The following ACVR1B variants were observed in gnomAD, a reference collection of about 807,000 sequenced individuals.
ACVR1B encodes the protein activin A receptor type 1B.
In ACVR1B, 15 loss-of-function variants were observed where a neutral mutation model predicts 55.6. The observed-to-expected ratio is 0.27, with a 90% confidence interval of 0.18 to 0.42. The LOEUF is 0.42. ACVR1B is among the 10% of genes least tolerant of loss of function. ACVR1B has a pLI of 1.00. For synonymous variants in ACVR1B, 247 were observed against 254.6 expected, an observed-to-expected ratio of 0.97 and a Z score of 0.28; for missense variants, 359 against 670.1, an observed-to-expected ratio of 0.54 and a Z score of 5.13.
At position 51,986,825 on chromosome 12, in the gene ACVR1B, G is replaced by A. The variant is rs762723557; in HGVS notation, c.1144G>A (p.Ala382Thr). 4.3e-6 allele frequency: 7 copies of A among 1,610,468 alleles called. No homozygotes were observed. The highest frequency in any genetic ancestry group is 1.3e-5 in the African/African-American group (1 of 74,730). The stretch of plus-strand genomic sequence containing the variant: ...TTTGTTTTGCTATTGCAGATACATG[G>A]CCCCTGAAGTACTTGATGAAACCAT... ...NQRVGTKRYMAPEVLDETINM... is the reference protein window; with the variant it reads ...NQRVGTKRYMTPEVLDETINM... Residue 382 changes from alanine (A) to threonine (T), a missense_variant, in exon 7 of 9, where the codon GCC becomes ACC. By Grantham distance (58) the Ala-to-Thr change is moderately conservative. Transcript: ENST00000257963.
At chr12:51,992,203 T>A (rs918465829) in intron 8 of ACVR1B, 13 of 627,952 alleles carry the variant, frequency 2.1e-5, no homozygotes, top group Non-Finnish European at 3.0e-5. Context: ...GTTCACAGCC[T>A]AGAAGAAGAA....
At chr12:51,986,025 T>G (rs1269069549) in intron 6 of ACVR1B, among the ~76,000 whole-genome samples, 1 of 152,130 alleles carries the variant, frequency 6.6e-6, no homozygotes, top group Non-Finnish European at 1.5e-5. Context: ...CTCAGAGTCA[T>G]TAAGGGTGCC....
At chr12:51,991,738 C>A in intron 7 of ACVR1B, 125 bp from the exon 8 acceptor site, 1 of 1,064,196 alleles carries the variant, frequency 9.4e-7, no homozygotes. Context: ...TTAGAATTAA[C>A]TAACTTTCTA....
intron 1 of ACVR1B, among the ~76,000 whole-genome samples, chr12:51,969,973 A>G (rs529264218): frequency 6.6e-6 from 1 of 152,336 alleles, no homozygotes; most frequent in African/African-American, 2.4e-5. Context: ...AGAGTCACCA[A>G]TATGAAGTAA....
At chr12:51,989,113 G>A (rs1293416730) in intron 7 of ACVR1B, among the ~76,000 whole-genome samples, 1 of 152,016 alleles carries the variant, frequency 6.6e-6, no homozygotes, top group Non-Finnish European at 1.5e-5. Context: ...AAAATTAGCC[G>A]GGTGTAGTGG....
Position 51,975,138 on chromosome 12 carries a change from TGGCCCCA to T in ACVR1B, c.92-126_92-120del. The T allele has an allele frequency of 3.8e-6, 5 of 1,315,338 alleles. No individual in the cohort carries two copies. The Admixed American group carries it at 7.4e-5, about 19-fold the overall frequency. The allele number at this position is 1,315,338 out of a possible 1,614,324, so 81.5% of individuals were successfully genotyped here. A position where few individuals can be genotyped will look rare whatever the true frequency, so the allele number is the denominator to read the frequency against. On this transcript the variant is annotated intron_variant, in intron 1 of 8. Transcript: ENST00000257963. ...TTGTGCTCAGTTAAGGATATCTTTTTGGCCCCATCTCTATAAAAACTGTTTTGGAACA... is the reference window on the plus strand; with the variant it reads ...TTGTGCTCAGTTAAGGATATCTTTTTTCTCTATAAAAACTGTTTTGGAACA...
chr12:51,980,753 T>A (rs1290486705), intron 3 of ACVR1B, among the ~76,000 whole-genome samples: 1 of 152,142 alleles, frequency 6.6e-6, no homozygotes, highest in East Asian at 1.9e-4. Flanking sequence ...ACACGTTTCC[T>A]GTTTGTGTTC....
In ACVR1B at chr12:51,984,079, A is replaced by C. The variant is rs1942032647; in HGVS notation, c.892A>C (p.Thr298Pro). 4.3e-6 allele frequency: 7 copies of C among 1,614,100 alleles called. No individual in the cohort carries two copies. The highest frequency in any genetic ancestry group is 5.9e-6 in the Non-Finnish European group (7 of 1,180,062). ...CCTGTTTGATTATCTGAACCGGTACACAGTGACAATTGAGGGGATGATTAA... is the reference window on the plus strand; with the variant it reads ...CCTGTTTGATTATCTGAACCGGTACCCAGTGACAATTGAGGGGATGATTAA... ...GSLFDYLNRY[T>P]VTIEGMIKLA... The change falls in exon 5 of 9, where the codon ACA (threonine) becomes CCA (proline). Residue 298 changes from threonine (T) to proline (P), a missense_variant. Physicochemically the swap from Thr to Pro is conservative, Grantham distance 38. This residue lies in a region of ACVR1B where 119 missense variants were observed against 340.2 expected (regional missense o/e 0.35). Transcript: ENST00000257963.
At chr12:51,961,382 T>C (rs1025201107) in intron 1 of ACVR1B, among the ~76,000 whole-genome samples, 11 of 152,238 alleles carry the variant, frequency 7.2e-5, no homozygotes, top group African/African-American at 1.2e-4. Flanking sequence ...AATGTTATTA[T>C]AATCTTGTAT....
chr12:51,952,256 G>A (rs1322489289), intron 1 of ACVR1B, among the ~76,000 whole-genome samples: 2 of 152,112 alleles, frequency 1.3e-5, no homozygotes, highest in Non-Finnish European at 2.9e-5. Flanking sequence ...CTCCCGCCAA[G>A]ACTGTGGGGT....
In ACVR1B at chr12:51,969,838, C is replaced by G. The variant is rs541609145; in HGVS notation, c.92-5427C>G. Among the ~76,000 whole-genome samples the G allele has an allele frequency of 5.3e-5, 8 of 152,266 alleles. No individual in the cohort carries two copies. The South Asian group carries it at 1.5e-3, about 28-fold the overall frequency. On this transcript the variant is annotated intron_variant, in intron 1 of 8. Coordinates refer to ENST00000257963, the MANE Select transcript of ACVR1B (RefSeq NM_004302.5). ...AATTTGAGGCTGCAGTGAGCTATGA[C>G]TGCACCTGTAAATAGCCACTGCACT... is the stretch of plus-strand genomic sequence containing the variant.
chr12:51,982,566 G>A (rs1941999468), intron 4 of ACVR1B: 1 of 1,153,396 alleles, frequency 8.7e-7, no homozygotes, highest in Admixed American at 3.5e-5. Flanking sequence ...GGTTCACATT[G>A]TGGAAGGGTC....
chr12:51,970,816 G>C (rs926405732), intron 1 of ACVR1B, among the ~76,000 whole-genome samples: 1 of 152,212 alleles, frequency 6.6e-6, no homozygotes, highest in Admixed American at 6.5e-5. Flanking sequence ...AAACAGGACA[G>C]TGCTCCACAA....
chr12:51,979,163 CAA>C (rs1164099929), intron 3 of ACVR1B, among the ~76,000 whole-genome samples: 67 of 57,106 alleles, frequency 1.2e-3, no homozygotes, highest in African/African-American at 3.1e-3. Context: ...AGCTCCGTCT[CAA>C]AAAAAAAAAA....
chr12:51,958,244 C>T (rs1405469694), intron 1 of ACVR1B, among the ~76,000 whole-genome samples: 2 of 152,192 alleles, frequency 1.3e-5, no homozygotes, highest in African/African-American at 4.8e-5. Context: ...GCAAACTAAA[C>T]ATATGCATGT....
At chr12:51,952,194 A>G (rs1941311074) in intron 1 of ACVR1B, among the ~76,000 whole-genome samples, 1 of 150,462 alleles carries the variant, frequency 6.6e-6, no homozygotes, top group Non-Finnish European at 1.5e-5. Flanking sequence ...CACCGTGTCC[A>G]GGGGCGGGGG....
In ACVR1B at chr12:51,975,387, A is replaced by G; in HGVS notation, c.214A>G (p.Lys72Glu). Residue 72 changes from lysine (K) to glutamate (E), a missense_variant, in exon 2 of 9, where the codon AAA (lysine) becomes GAA (glutamate). Physicochemically the swap from Lys to Glu is moderately conservative, Grantham distance 56. Around this residue, in one of 5 missense-constraint regions of ACVR1B, gnomAD observed 133 missense variants for 188.2 expected, o/e 0.71. Coordinates refer to ENST00000257963, the MANE Select transcript of ACVR1B (RefSeq NM_004302.5). ...GCACCATGTGCGCACCTGCATCCCCAAAGTGGAGCTGGTCCCTGCCGGGAA... is the reference window on the plus strand; with the variant it reads ...GCACCATGTGCGCACCTGCATCCCCGAAGTGGAGCTGGTCCCTGCCGGGAA... ...MEHHVRTCIP[K>E]VELVPAGKPF... is the part of the protein sequence containing the mutation. 6.2e-7 allele frequency: 1 copy of G among 1,614,162 alleles called. No homozygotes were observed. Among genetic ancestry groups the G allele is most frequent in the Non-Finnish European group, 8.5e-7 (1 of 1,180,016 alleles).
Position 51,983,988 on chromosome 12 carries a change from G to A in ACVR1B, c.812-11G>A, listed in dbSNP as rs1457651401. On this transcript the variant is annotated splice_polypyrimidine_tract_variant and intron_variant, in intron 4 of 8. Coordinates refer to ENST00000257963, the MANE Select transcript of ACVR1B (RefSeq NM_004302.5). The stretch of plus-strand genomic sequence containing the variant: ...ACACTTTTTCTGGGACTCATCTGTG[G>A]TTCTCTGCAGATAATGGCACCTGGA... 2 of 1,614,012 alleles carry A rather than the reference G, an allele frequency of 1.2e-6. No homozygotes were observed. Among genetic ancestry groups the A allele is most frequent in the African/African-American group, 1.3e-5 (1 of 74,918 alleles).
intron 1 of ACVR1B, among the ~76,000 whole-genome samples, chr12:51,956,876 C>G (rs756126306): frequency 4.6e-5 from 7 of 152,082 alleles, no homozygotes; most frequent in African/African-American, 1.7e-4. Context: ...CCTCCCACCT[C>G]AGCCTCCTGA....
Sources: allele counts gnomAD v4.1 joint callset (sites outside exome capture counted in the v4.1 genomes callset), GRCh38; gene constraint gnomAD v4.1.1; regional missense constraint gnomAD v4.1.1; transcripts MANE v1.5; gene names NCBI Gene and HGNC (gene_info 2026-07-23, HGNC 2026-07-21).